STK3: variants seen among roughly 807,000 people sequenced by gnomAD.
STK3 encodes the protein serine/threonine kinase 3.
Under a neutral mutation model 58.0 loss-of-function variants are expected in STK3, and 41 were observed. The ratio of observed to expected loss-of-function variants is 0.71; its 90% confidence interval spans 0.55 to 0.92. STK3 has a LOEUF of 0.92. Ranked by LOEUF, STK3 falls within the 40% of genes least tolerant of loss-of-function variation. The probability of loss-of-function intolerance (pLI) is 0.00; values close to 1 mark genes in which losing one functional copy is unlikely to be tolerated. For synonymous variants in STK3, 170 were observed against 191.0 expected (o/e 0.89, Z 0.91); for missense variants, 479 against 602.7 (o/e 0.79, Z 2.15).
At chr8:98,747,565 TA>T (rs1829722149) in intron 4 of STK3, among the ~76,000 whole-genome samples, 1 of 152,200 alleles carries the variant, frequency 6.6e-6, no homozygotes. Flanking sequence ...AGATATTTTT[TA>T]AATAGGATGT....
chr8:98,481,000 T>C (rs893225253), intron 10 of STK3, among the ~76,000 whole-genome samples: 4 of 152,216 alleles, frequency 2.6e-5, no homozygotes, highest in Non-Finnish European at 5.9e-5. Context: ...AAGAGAAAAA[T>C]TAGCCAGAAG....
intron 1 of STK3, among the ~76,000 whole-genome samples, chr8:98,924,851 T>G (rs1423860866): frequency 6.6e-6 from 1 of 152,186 alleles, no homozygotes; most frequent in African/African-American, 2.4e-5. Context: ...GAACCTCTCT[T>G]TCTCTTCCCA....
At chr8:98,903,275 G>A (rs1838727628) in intron 1 of STK3, among the ~76,000 whole-genome samples, 1 of 152,112 alleles carries the variant, frequency 6.6e-6, no homozygotes. Flanking sequence ...CTATTATACA[G>A]TCCCAAGTTA....
At chr8:98,751,453 T>A (rs1587513604) in intron 3 of STK3, among the ~76,000 whole-genome samples, 1 of 152,034 alleles carries the variant, frequency 6.6e-6, no homozygotes, top group African/African-American at 2.4e-5. Context: ...CATTCCTATA[T>A]ACCAACAACA....
At chr8:98,503,970 A>T (rs1195102044) in intron 10 of STK3, among the ~76,000 whole-genome samples, 1 of 151,596 alleles carries the variant, frequency 6.6e-6, no homozygotes, top group African/African-American at 2.4e-5. Context: ...TTGTTGATCT[A>T]ATATTGACAG....
At chr8:98,812,088 G>A (rs1024451910) in intron 1 of STK3, among the ~76,000 whole-genome samples, 2 of 152,138 alleles carry the variant, frequency 1.3e-5, no homozygotes, top group African/African-American at 4.8e-5. Context: ...GGGATTACAG[G>A]GGTGAGCCAC....
intron 6 of STK3, among the ~76,000 whole-genome samples, chr8:98,615,157 A>AC (rs1377556525): frequency 1.3e-5 from 2 of 151,388 alleles, no homozygotes; most frequent in Non-Finnish European, 2.9e-5. Flanking sequence ...CTGACCCCTG[A>AC]CCCCCGAGCA....
At chr8:98,661,050 C>A (rs1468920168) in intron 6 of STK3, among the ~76,000 whole-genome samples, 1 of 151,798 alleles carries the variant, frequency 6.6e-6, no homozygotes, top group Non-Finnish European at 1.5e-5. Flanking sequence ...AAGGTAACTA[C>A]AGAGGTAAAT....
At chr8:98,862,623 T>G (rs1377714485) in intron 3 of STK3, among the ~76,000 whole-genome samples, 1 of 152,236 alleles carries the variant, frequency 6.6e-6, no homozygotes, top group Non-Finnish European at 1.5e-5. Context: ...TTAGAGACAT[T>G]GGAACTCTCA....
chr8:98,832,722 G>A (rs961240872), intron 3 of STK3, among the ~76,000 whole-genome samples: 16 of 152,088 alleles, frequency 1.1e-4, no homozygotes, highest in Middle Eastern at 3.4e-3. Flanking sequence ...AGTTGGCTGC[G>A]GGGCCTAGGA....
chr8:98,585,527 T>TG (rs1311477733), intron 7 of STK3, among the ~76,000 whole-genome samples: 40 of 149,828 alleles, frequency 2.7e-4, no homozygotes, highest in Middle Eastern at 3.4e-3. Flanking sequence ...AGTCAGGTAG[T>TG]GTGATGCCTC....
chr8:98,586,661 C>A (rs1277906368), intron 7 of STK3, among the ~76,000 whole-genome samples: 1 of 151,636 alleles, frequency 6.6e-6, no homozygotes, highest in Non-Finnish European at 1.5e-5. Flanking sequence ...GGAATAGTTT[C>A]AGAAGGAATG....
chr8:98,433,357 A>C, intron 3 of STK3, among the ~76,000 whole-genome samples: 1 of 152,130 alleles, frequency 6.6e-6, no homozygotes, highest in East Asian at 1.9e-4. Flanking sequence ...AAATTGGGGA[A>C]CCCTGAGTGT....
At chr8:98,452,845 C>T (rs1457615984), downstream of STK3, among the ~76,000 whole-genome samples, 2 of 150,950 alleles carry the variant, frequency 1.3e-5, no homozygotes, top group Non-Finnish European at 3.0e-5. Flanking sequence ...ACTGCAACCT[C>T]CGCCTTCCAG....
intron 10 of STK3, among the ~76,000 whole-genome samples, chr8:98,521,557 AT>A (rs1330732881): frequency 6.6e-6 from 1 of 152,042 alleles, no homozygotes; most frequent in African/African-American, 2.4e-5. Context: ...GATACTTTTC[AT>A]CATGTCATCC....
chr8:98,785,289 G>A (rs867496597), intron 1 of STK3, among the ~76,000 whole-genome samples: 1 of 152,106 alleles, frequency 6.6e-6, no homozygotes, highest in Non-Finnish European at 1.5e-5. Context: ...TGGTGGTGGG[G>A]TGGCAGGGGG....
intron 6 of STK3, among the ~76,000 whole-genome samples, chr8:98,635,595 A>G (rs939948494): frequency 4.6e-5 from 7 of 152,168 alleles, no homozygotes; most frequent in African/African-American, 7.2e-5. Context: ...GAAGACAACT[A>G]TTTTCTAGTA....
intron 4 of STK3, among the ~76,000 whole-genome samples, chr8:98,715,547 A>G (rs1327629189): frequency 6.6e-6 from 1 of 152,192 alleles, no homozygotes; most frequent in African/African-American, 2.4e-5. Context: ...ATCATCACTG[A>G]CCATCAGAGA....
At position 98,819,928 on chromosome 8, in the gene STK3, C is replaced by T. The variant is rs545560756; in HGVS notation, c.26+5587G>A. 6.6e-5 allele frequency among the ~76,000 whole-genome samples: 10 copies of T among 152,266 alleles called. No homozygotes were observed. In the East Asian group the frequency reaches 1.5e-3, roughly 24 times the overall value. On this transcript the variant is annotated intron_variant, in intron 1 of 10. Transcript: ENST00000419617. ...TCTCTCACCCACTTCCATTCATAAG[C>T]GCTGAGAGTTATCTGCTATCTCTCT...
Sources: allele counts gnomAD v4.1 joint callset (sites outside exome capture counted in the v4.1 genomes callset), GRCh38; gene constraint gnomAD v4.1.1; transcripts MANE v1.5; gene names NCBI Gene and HGNC (gene_info 2026-07-23, HGNC 2026-07-21).